Variants in UACA observed in about 807,000 individuals in gnomAD.
UACA encodes uveal autoantigen with coiled-coil domains and ankyrin repeats.
Under a neutral mutation model 160.5 loss-of-function variants are expected in UACA, and 112 were observed. The observed-to-expected ratio is 0.70, with a 90% CI of 0.60 to 0.82. The LOEUF (loss-of-function observed/expected upper bound fraction) is 0.82. Among genes scored for constraint, UACA ranks in the 40% least tolerant of loss-of-function variants. The probability of loss-of-function intolerance (pLI) is 0.00; values close to 1 mark genes in which losing one functional copy is unlikely to be tolerated. For synonymous variants in UACA, 557 were observed against 568.4 expected, an observed-to-expected ratio of 0.98 and a Z score of 0.29; for missense variants, 1,574 against 1,614.6, an observed-to-expected ratio of 0.97 and a Z score of 0.43.
intron 10 of UACA, among the ~76,000 whole-genome samples, chr15:70,678,755 C>T (rs1897374993): frequency 6.6e-6 from 1 of 152,022 alleles, no homozygotes; most frequent in East Asian, 1.9e-4. Context: ...TGGGTCCTTC[C>T]TCTAAAATAA....
At chr15:70,710,109 A>T (rs993086574) in intron 1 of UACA, among the ~76,000 whole-genome samples, 6 of 152,034 alleles carry the variant, frequency 3.9e-5, no homozygotes, top group Non-Finnish European at 7.4e-5. Flanking sequence ...ATACAAAAAA[A>T]TTAGGTATGG....
rs1162603788 is a variant in UACA at position 70,657,105 on chromosome 15, T to C, written c.4202A>G (p.Gln1401Arg). Reference sequence around the variant, plus strand: ...TTGTATGATCTGGAGCAGAGCCTCCTGAACATCTTCATCCATGTGACCCTT... The same window carrying C: ...TTGTATGATCTGGAGCAGAGCCTCCCGAACATCTTCATCCATGTGACCCTT... ...AAQGHMDEDV[Q>R]EALLQIIQMR... Residue 1401 changes from glutamine (Q) to arginine (R), a missense_variant, in exon 19 of 19, where the codon CAG becomes CGG. Transcript: ENST00000322954. 6 of 1,614,028 alleles carry C rather than the reference T, an allele frequency of 3.7e-6. No homozygotes were observed. The African/African-American group carries it at 4.0e-5, about 11-fold the overall frequency.
intron 14 of UACA, 90 bp from the exon 15 acceptor site, chr15:70,671,181 C>A (rs758748850): frequency 3.2e-6 from 3 of 937,118 alleles, no homozygotes; most frequent in African/African-American, 1.7e-5. Context: ...CTTTATTATT[C>A]AAATAAAAGA....
the UACA span, among the ~76,000 whole-genome samples, chr15:70,770,730 A>C: frequency 6.6e-6 from 1 of 152,214 alleles, no homozygotes; most frequent in Non-Finnish European, 1.5e-5. Context: ...TTTACTTGAG[A>C]TCAAGACATC....
intron 1 of UACA, among the ~76,000 whole-genome samples, chr15:70,747,106 A>G (rs770745786): frequency 2.6e-5 from 4 of 152,164 alleles, no homozygotes; most frequent in Non-Finnish European, 5.9e-5. Flanking sequence ...CTGCACATGT[A>G]TCCCAGAACT....
At position 70,699,671 on chromosome 15, in the gene UACA, GA is replaced by G. The variant is rs138930281; in HGVS notation, c.79-12del. ...CCAATCTGCTGCATGCTACAAAAAG[GA>G]AAAAAAAAAGTAAATATGGCATACT... On this transcript the variant is annotated splice_polypyrimidine_tract_variant and intron_variant, in intron 1 of 18. Coordinates refer to ENST00000322954, the MANE Select transcript of UACA (RefSeq NM_018003.4). 1,167 of 1,436,356 alleles carry G rather than the reference GA, an allele frequency of 8.1e-4. No homozygotes were observed. Among genetic ancestry groups the G allele is most frequent in the Admixed American group, 1.8e-3 (84 of 47,474 alleles). 89.0% of individuals were successfully genotyped at this position (1,436,356 alleles called of 1,614,324 possible).
At chr15:70,705,864 A>G (rs1290004484) in intron 1 of UACA, among the ~76,000 whole-genome samples, 1 of 152,222 alleles carries the variant, frequency 6.6e-6, no homozygotes, top group Non-Finnish European at 1.5e-5. Context: ...CTGACTGGAT[A>G]TTGGATGGCA....
intron 15 of UACA, among the ~76,000 whole-genome samples, 171 bp from the exon 16 acceptor site, chr15:70,669,633 A>G (rs1337820422): frequency 6.6e-6 from 1 of 152,228 alleles, no homozygotes; most frequent in Non-Finnish European, 1.5e-5. Context: ...GTAAGGAAAC[A>G]GTTCTGGATA....
At chr15:70,701,615 C>G (rs1040928982) in intron 1 of UACA, among the ~76,000 whole-genome samples, 5 of 152,184 alleles carry the variant, frequency 3.3e-5, no homozygotes, top group Admixed American at 2.0e-4. Context: ...CAGTTCTACA[C>G]CAAGCACCAT....
chr15:70,756,912 A>T (rs1409697552), intron 1 of UACA, among the ~76,000 whole-genome samples: 1 of 152,214 alleles, frequency 6.6e-6, no homozygotes, highest in East Asian at 1.9e-4. Context: ...TTATAAACAC[A>T]GCCACATTAC....
At chr15:70,749,136 T>C (rs1284614618) in intron 1 of UACA, 3 of 388,086 alleles carry the variant, frequency 7.7e-6, no homozygotes, top group Non-Finnish European at 1.6e-5. Context: ...CACCAAAATG[T>C]TAACTTTCGG....
At chr15:70,707,042 T>C (rs1898541754) in intron 1 of UACA, among the ~76,000 whole-genome samples, 1 of 152,148 alleles carries the variant, frequency 6.6e-6, no homozygotes, top group Admixed American at 6.5e-5. Context: ...AAGCATATTA[T>C]GAAGCTATAG....
intron 1 of UACA, among the ~76,000 whole-genome samples, chr15:70,713,012 ATAAG>A (rs1898727733): frequency 6.6e-6 from 1 of 152,208 alleles, no homozygotes; most frequent in African/African-American, 2.4e-5. Flanking sequence ...ATGAAGAAAG[ATAAG>A]TAAGCAACCA....
intron 1 of UACA, among the ~76,000 whole-genome samples, chr15:70,747,281 G>T: frequency 7.8e-6 from 1 of 128,678 alleles, no homozygotes; most frequent in African/African-American, 3.1e-5. Flanking sequence ...GTCTTGCTCT[G>T]CTGCCAGGCT....
chr15:70,672,025 T>A (rs759288598), intron 13 of UACA, 24 bp from the exon 14 acceptor site: 1 of 1,579,768 alleles, frequency 6.3e-7, no homozygotes, highest in Admixed American at 1.8e-5. Context: ...CATAAAATAT[T>A]TTAGGGTGAA....
chr15:70,693,058 A>G (rs1897995899), intron 3 of UACA, among the ~76,000 whole-genome samples: 1 of 152,224 alleles, frequency 6.6e-6, no homozygotes, highest in Admixed American at 6.5e-5. Flanking sequence ...CTGTTCATGG[A>G]CAAGTGTCCT....
chr15:70,737,810 G>C (rs1210840419), intron 1 of UACA, among the ~76,000 whole-genome samples: 1 of 152,124 alleles, frequency 6.6e-6, no homozygotes, highest in East Asian at 1.9e-4. Context: ...TGGATTTTTT[G>C]AATGTCATCT....
intron 1 of UACA, among the ~76,000 whole-genome samples, chr15:70,743,476 C>A (rs550732083): frequency 1.3e-5 from 2 of 152,090 alleles, no homozygotes; most frequent in Non-Finnish European, 2.9e-5. Flanking sequence ...TTTTTCACTG[C>A]GCGTTGCAGT....
chr15:70,672,631 G>A (rs898159564), intron 13 of UACA, among the ~76,000 whole-genome samples: 2 of 152,074 alleles, frequency 1.3e-5, no homozygotes, highest in Non-Finnish European at 2.9e-5. Context: ...CAAATACAAA[G>A]AATCTAATAT....
Sources: gnomAD v4.1 joint callset for allele counts (sites outside exome capture counted in the v4.1 genomes callset) on GRCh38, gnomAD v4.1.1 for gene constraint, MANE v1.5 for transcripts, NCBI Gene and HGNC (gene_info 2026-07-23, HGNC 2026-07-21) for gene names.